Variants in RARB observed in about 807,000 individuals in gnomAD.
The protein encoded by RARB is HBV-activated protein.
Under a neutral mutation model 51.9 loss-of-function variants are expected in RARB, and 17 were observed. The observed-to-expected ratio is 0.33, with a 90% CI of 0.22 to 0.49. The LOEUF is 0.49. Ranked by LOEUF, RARB falls within the 20% of genes least tolerant of loss-of-function variation. The pLI, the probability that RARB is intolerant of heterozygous loss-of-function variation, is 0.99. For synonymous variants in RARB, 215 were observed against 195.4 expected, an observed-to-expected ratio of 1.10 and a Z score of -0.84; for missense variants, 369 against 550.8, an observed-to-expected ratio of 0.67 and a Z score of 3.30.
chr3:25,223,073 T>C (rs1386790592), intron 5 of RARB, among the ~76,000 whole-genome samples: 1 of 152,174 alleles, frequency 6.6e-6, no homozygotes, highest in African/African-American at 2.4e-5. Context: ...GTGAATAAAT[T>C]TTGATAAATC....
chr3:25,104,430 C>T (rs1268110027), intron 3 of RARB, among the ~76,000 whole-genome samples: 3 of 152,056 alleles, frequency 2.0e-5, no homozygotes, highest in African/African-American at 7.2e-5. Flanking sequence ...TTGCTTGAGC[C>T]CAGGAGTTTG....
At chr3:25,066,690 A>G (rs1189473417) in intron 3 of RARB, among the ~76,000 whole-genome samples, 1 of 152,136 alleles carries the variant, frequency 6.6e-6, no homozygotes, top group Non-Finnish European at 1.5e-5. Context: ...CATTTTTTTA[A>G]AAATCCCCAA....
intron 5 of RARB, among the ~76,000 whole-genome samples, chr3:25,402,906 T>G (rs1005479123): frequency 6.6e-6 from 1 of 152,132 alleles, no homozygotes; most frequent in Admixed American, 6.5e-5. Context: ...GGCTCACGCC[T>G]GTAATCCCAG....
intron 4 of RARB, among the ~76,000 whole-genome samples, chr3:25,577,257 C>T (rs896906743): frequency 6.6e-6 from 1 of 152,224 alleles, no homozygotes; most frequent in Non-Finnish European, 1.5e-5. Flanking sequence ...TTCGCTTCCT[C>T]ATCAGCCAAA....
At chr3:25,306,976 A>G (rs1278729936) in intron 5 of RARB, among the ~76,000 whole-genome samples, 1 of 152,202 alleles carries the variant, frequency 6.6e-6, no homozygotes, top group Non-Finnish European at 1.5e-5. Context: ...CCCCACGCTA[A>G]GAGAGATACA....
chr3:25,530,341 T>C (rs1698847147), intron 3 of RARB, among the ~76,000 whole-genome samples: 1 of 152,204 alleles, frequency 6.6e-6, no homozygotes, highest in Non-Finnish European at 1.5e-5. Flanking sequence ...TGATATCCTA[T>C]TACTGTGGTA....
intron 3 of RARB, among the ~76,000 whole-genome samples, chr3:25,555,107 G>A (rs1700003497): frequency 6.6e-6 from 1 of 152,256 alleles, no homozygotes; most frequent in African/African-American, 2.4e-5. Context: ...CAGGTTCCCT[G>A]TAAATATTTG....
chr3:25,363,830 ATC>A (rs970216342), intron 5 of RARB, among the ~76,000 whole-genome samples: 2 of 151,868 alleles, frequency 1.3e-5, no homozygotes, highest in African/African-American at 4.8e-5. Context: ...CCCTACTAAC[ATC>A]TCTTTCTCTG....
chr3:25,355,595 T>A (rs75141142), intron 5 of RARB, among the ~76,000 whole-genome samples: 2,963 of 152,220 alleles, frequency 0.019, 109 homozygotes, highest in African/African-American at 0.068. Context: ...AAAAAAATTG[T>A]CATTATTCTA....
intron 4 of RARB, among the ~76,000 whole-genome samples, chr3:25,173,745 A>T (rs930299540): frequency 6.6e-6 from 1 of 152,204 alleles, no homozygotes; most frequent in Non-Finnish European, 1.5e-5. Flanking sequence ...CATAACTGTT[A>T]ACAAAAACAC....
intron 5 of RARB, among the ~76,000 whole-genome samples, chr3:25,406,146 T>C (rs1312548598): frequency 6.6e-6 from 1 of 152,210 alleles, no homozygotes; most frequent in Non-Finnish European, 1.5e-5. Flanking sequence ...ACCAGGCATC[T>C]GTCCATATCC....
chr3:25,264,542 C>G (rs1234324471), intron 5 of RARB, among the ~76,000 whole-genome samples: 1 of 151,970 alleles, frequency 6.6e-6, no homozygotes, highest in Non-Finnish European at 1.5e-5. Context: ...TACTTCGAAG[C>G]CAAAATTGCA....
At chr3:25,273,605 C>G (rs1200149830) in intron 5 of RARB, among the ~76,000 whole-genome samples, 16 of 152,154 alleles carry the variant, frequency 1.1e-4, no homozygotes, top group Admixed American at 1.0e-3. Flanking sequence ...GTGTTTGTGA[C>G]AGCAGGCAGA....
intron 4 of RARB, among the ~76,000 whole-genome samples, chr3:25,577,249 C>T (rs547997028): frequency 5.3e-5 from 8 of 152,298 alleles, no homozygotes; most frequent in Non-Finnish European, 8.8e-5. Context: ...TGTGGGCCTT[C>T]GCTTCCTCAT....
intron 2 of RARB, among the ~76,000 whole-genome samples, chr3:24,959,833 C>T (rs1255097744): frequency 6.6e-6 from 1 of 152,212 alleles, no homozygotes; most frequent in Non-Finnish European, 1.5e-5. Flanking sequence ...AATCTAAGCA[C>T]TTTGTTTATA....
At chr3:25,580,155 A>G (rs1434595195) in intron 4 of RARB, among the ~76,000 whole-genome samples, 1 of 152,132 alleles carries the variant, frequency 6.6e-6, no homozygotes, top group African/African-American at 2.4e-5. Context: ...CGGGTGAATC[A>G]TGAGGTCAGG....
At chr3:25,065,029 C>T (rs555063512) in intron 3 of RARB, among the ~76,000 whole-genome samples, 3 of 152,172 alleles carry the variant, frequency 2.0e-5, no homozygotes, top group African/African-American at 7.2e-5. Context: ...TGGCTCTGAT[C>T]CTGATGGAGA....
In RARB at chr3:24,893,814, C is replaced by A. The variant is rs558211310; in HGVS notation, c.-380+35062C>A. Among the ~76,000 whole-genome samples the A allele has an allele frequency of 5.9e-5, 9 of 152,172 alleles. No homozygotes were observed. The East Asian group carries it at 1.7e-3, about 29-fold the overall frequency. Reference sequence around the variant, plus strand: ...TACTGGGATTACAGGCGTGAGCCACCGTGCCCAGCTGTAAAATTGTTTTTA... The same window carrying A: ...TACTGGGATTACAGGCGTGAGCCACAGTGCCCAGCTGTAAAATTGTTTTTA... On this transcript the variant is annotated intron_variant, in intron 2 of 11. Transcript: ENST00000383772.
At chr3:25,288,528 A>T (rs926770795) in intron 5 of RARB, among the ~76,000 whole-genome samples, 2 of 152,168 alleles carry the variant, frequency 1.3e-5, no homozygotes, top group African/African-American at 2.4e-5. Flanking sequence ...TAAATAACCC[A>T]TGAGCCCAGG....
Sources: allele counts gnomAD v4.1 joint callset (sites outside exome capture counted in the v4.1 genomes callset), GRCh38; gene constraint gnomAD v4.1.1; transcripts MANE v1.5; gene names NCBI Gene and HGNC (gene_info 2026-07-23, HGNC 2026-07-21).